PIK3C2A: variants seen among roughly 807,000 people sequenced by gnomAD.
PIK3C2A encodes the protein phosphatidylinositol 4-phosphate 3-kinase C2 domain-containing subunit alpha.
PIK3C2A carries 97 observed loss-of-function variants against 204.5 expected under a neutral mutation model. The observed-to-expected ratio is 0.47, with a 90% CI of 0.40 to 0.56. The LOEUF (loss-of-function observed/expected upper bound fraction) is 0.56, where lower values mean the gene tolerates loss of function less well. Among genes scored for constraint, PIK3C2A ranks in the 20% least tolerant of loss-of-function variants. PIK3C2A has a pLI of 0.00. For missense variants in PIK3C2A, 1,735 were observed against 1,969.2 expected, an observed-to-expected ratio of 0.88 and a Z score of 2.25; for synonymous variants, 653 against 664.4, an observed-to-expected ratio of 0.98 and a Z score of 0.26.
intron 22 of PIK3C2A, among the ~76,000 whole-genome samples, chr11:17,107,699 T>C (rs1174396617): frequency 6.6e-6 from 1 of 152,166 alleles, no homozygotes; most frequent in East Asian, 1.9e-4. Context: ...ATGAAGGAGA[T>C]GCATTTGTGT....
rs979624728 is a variant in PIK3C2A at position 17,088,524 on chromosome 11, G to A, written c.*1214C>T. 2 of 152,228 alleles carry A rather than the reference G, an allele frequency of 1.3e-5. No homozygotes were observed. Among genetic ancestry groups the A allele is most frequent in the African/African-American group, 4.8e-5 (2 of 41,442 alleles). The allele number at this position is 152,228 out of a possible 1,614,324, so 9.4% of individuals were successfully genotyped here. A position where few individuals can be genotyped will look rare whatever the true frequency, so the allele number is the denominator to read the frequency against. On this transcript the variant is annotated 3_prime_UTR_variant, in exon 33 of 33. Transcript: ENST00000691414. ...CCCAAAGTGTTGGGATTACAGGCAG[G>A]AGCCACCGTGCCCGGCCGAATCTTA...
chr11:17,193,096 ACT>A (rs1218908934), intron 1 of PIK3C2A, among the ~76,000 whole-genome samples: 1 of 152,188 alleles, frequency 6.6e-6, no homozygotes, highest in African/African-American at 2.4e-5. Context: ...GGTCGCCTGC[ACT>A]CTGTTAGGAC....
At chr11:17,197,188 T>C (rs906736535) in intron 1 of PIK3C2A, among the ~76,000 whole-genome samples, 10 of 152,034 alleles carry the variant, frequency 6.6e-5, no homozygotes, top group Admixed American at 3.3e-4. Flanking sequence ...GCCTGGCTAA[T>C]TTTTTATTTT....
chr11:17,103,983 T>C (rs1848723853), intron 23 of PIK3C2A, among the ~76,000 whole-genome samples: 1 of 152,180 alleles, frequency 6.6e-6, no homozygotes, highest in East Asian at 1.9e-4. Context: ...AAGGGAGTGA[T>C]CTCACAGTTT....
chr11:17,164,353 T>TAAA (rs371924444), intron 2 of PIK3C2A, among the ~76,000 whole-genome samples: 3 of 134,866 alleles, frequency 2.2e-5, no homozygotes, highest in Non-Finnish European at 3.2e-5. Context: ...GACCCTGTCT[T>TAAA]AAAAAAAAAA....
At position 17,196,661 on chromosome 11, in the gene PIK3C2A, C is replaced by T. The variant is rs1351524709; in HGVS notation, c.-66+11187G>A. On this transcript the variant is annotated intron_variant, in intron 1 of 32. Transcript: ENST00000691414. ...CTCCGCTCACTGCAAGCTCCGCCTC[C>T]CGGGTTCACGCCATTCTCCTGCCTC... 2.0e-5 allele frequency among the ~76,000 whole-genome samples: 3 copies of T among 152,058 alleles called. No individual in the cohort carries two copies. In the East Asian group the frequency reaches 5.8e-4, roughly 29 times the overall value.
intron 1 of PIK3C2A, among the ~76,000 whole-genome samples, chr11:17,190,976 C>A (rs1446253438): frequency 6.6e-6 from 1 of 152,046 alleles, no homozygotes; most frequent in Non-Finnish European, 1.5e-5. Context: ...CCAAACAAAA[C>A]CAAGAAGTTC....
At chr11:17,095,539 T>C (rs1173590920) in intron 27 of PIK3C2A, among the ~76,000 whole-genome samples, 2 of 150,606 alleles carry the variant, frequency 1.3e-5, no homozygotes, top group African/African-American at 4.9e-5. Flanking sequence ...TGCAGTGAGC[T>C]GAGATCACAC....
At chr11:17,101,565 T>C (rs1461978793) in intron 24 of PIK3C2A, 131 bp from the exon 25 acceptor site, 4 of 433,848 alleles carry the variant, frequency 9.2e-6, no homozygotes, top group Admixed American at 4.0e-5. Flanking sequence ...CCACACACTT[T>C]TGAATTTCCA....
At chr11:17,179,451 T>A (rs953526373) in intron 1 of PIK3C2A, among the ~76,000 whole-genome samples, 5 of 151,912 alleles carry the variant, frequency 3.3e-5, no homozygotes, top group Admixed American at 6.6e-5. Flanking sequence ...CAGAAACCAT[T>A]GTACCTGGCC....
Position 17,128,561 on chromosome 11 carries a change from T to C in PIK3C2A, c.2399+739A>G, listed in dbSNP as rs192861461. 2.6e-5 allele frequency among the ~76,000 whole-genome samples: 4 copies of C among 152,366 alleles called. No homozygotes were observed. The East Asian group carries it at 7.7e-4, about 29-fold the overall frequency. Reference sequence around the variant, plus strand: ...GCCTAGAGATGCTTTAATATGCCAATGTGCATCATCTATTCTCCAGAATGC... The same window carrying C: ...GCCTAGAGATGCTTTAATATGCCAACGTGCATCATCTATTCTCCAGAATGC... On this transcript the variant is annotated intron_variant, in intron 13 of 32. Coordinates refer to ENST00000691414, the MANE Select transcript of PIK3C2A (RefSeq NM_002645.4).
intron 1 of PIK3C2A, among the ~76,000 whole-genome samples, chr11:17,174,534 C>T (rs1267077648): frequency 2.0e-5 from 1 of 50,768 alleles, no homozygotes; most frequent in Non-Finnish European, 3.6e-5. Flanking sequence ...GCGGAGCTTG[C>T]AGTGAGCCGA....
chr11:17,138,804 A>G (rs969098569), intron 8 of PIK3C2A, among the ~76,000 whole-genome samples: 5 of 152,234 alleles, frequency 3.3e-5, no homozygotes, highest in African/African-American at 9.6e-5. Flanking sequence ...TTTATTTACA[A>G]AAACAGAGAG....
intron 1 of PIK3C2A, among the ~76,000 whole-genome samples, chr11:17,197,097 C>T (rs1245894612): frequency 6.6e-6 from 1 of 151,982 alleles, no homozygotes; most frequent in East Asian, 2.0e-4. Flanking sequence ...AGGAGGCTCA[C>T]TGCAACCTCC....
At chr11:17,195,502 T>C (rs893024446) in intron 1 of PIK3C2A, among the ~76,000 whole-genome samples, 25 of 146,854 alleles carry the variant, frequency 1.7e-4, no homozygotes, top group Admixed American at 6.8e-5. Flanking sequence ...GGCAGATCAC[T>C]TGAGGTCAAG....
intron 8 of PIK3C2A, chr11:17,138,103 C>T: frequency 1.4e-6 from 1 of 730,044 alleles, no homozygotes; most frequent in Admixed American, 1.8e-5. Flanking sequence ...ACCATAGGCC[C>T]TGCTGACATG....
intron 13 of PIK3C2A, among the ~76,000 whole-genome samples, chr11:17,125,140 A>G (rs1849482260): frequency 6.6e-6 from 1 of 152,184 alleles, no homozygotes. Flanking sequence ...AAACTATTTA[A>G]TGGTTTTAGG....
Position 17,118,697 on chromosome 11 carries a change from A to G in PIK3C2A, c.2983T>C (p.Phe995Leu). 6.4e-7 allele frequency: 1 copy of G among 1,568,216 alleles called. No homozygotes were observed. ...TTTCCCAATGCCCTGGACAAAAGGA[A>G]TTGCACTAATGAACTATTCAAGTAA... ...EIYLNSSLVQ[F>L]LLSRALGNIQ... Residue 995 changes from phenylalanine (F) to leucine (L), a missense_variant, in exon 18 of 33, where the codon TTC becomes CTC. Physicochemically the swap from Phe to Leu is conservative, Grantham distance 22. Coordinates refer to ENST00000691414, the MANE Select transcript of PIK3C2A (RefSeq NM_002645.4).
In PIK3C2A at chr11:17,169,649, T is replaced by C. The variant is rs780205093; in HGVS notation, c.93A>G (p.Ala31=). 6.2e-7 allele frequency: 1 copy of C among 1,613,550 alleles called. No individual in the cohort carries two copies. Among genetic ancestry groups the C allele is most frequent in the South Asian group, 1.1e-5 (1 of 91,072 alleles). Residue 31 remains alanine, a synonymous_variant, in exon 2 of 33, where the codon GCA becomes GCG. Transcript: ENST00000691414. ...CTAAAGCCTCTGCTTCCATCTGTAA[T>C]GCTTCTTCTTTGTCCACATCTTTTG... ...TRAKDVDKEE[A]LQMEAEALAK... is the part of the protein sequence containing the mutation.
Sources: allele counts gnomAD v4.1 joint callset (sites outside exome capture counted in the v4.1 genomes callset), GRCh38; gene constraint gnomAD v4.1.1; transcripts MANE v1.5; gene names NCBI Gene and HGNC (gene_info 2026-07-23, HGNC 2026-07-21).